Variants in STXBP5L observed in about 807,000 individuals in gnomAD.
STXBP5L encodes the protein syntaxin-binding protein 5-like.
Under a neutral mutation model 144.5 loss-of-function variants are expected in STXBP5L, and 65 were observed. The ratio of observed to expected loss-of-function variants is 0.45; its 90% CI spans 0.37 to 0.55. The LOEUF (loss-of-function observed/expected upper bound fraction) is 0.55, where lower values mean the gene tolerates loss of function less well. STXBP5L is among the 20% of genes least tolerant of loss of function. STXBP5L has a pLI of 0.00. For synonymous variants in STXBP5L, 505 were observed against 469.6 expected (o/e 1.08, Z -0.97); for missense variants, 1,298 against 1,405.5 (o/e 0.92, Z 1.22).
At chr3:121,315,981 C>CTGGATGT (rs2043772587) in intron 19 of STXBP5L, among the ~76,000 whole-genome samples, 1 of 134,400 alleles carries the variant, frequency 7.4e-6, no homozygotes, top group South Asian at 2.7e-4. Flanking sequence ...CCAGCCTGGG[C>CTGGATGT]GATAGTGAGA....
At chr3:121,305,114 C>A (rs1222472054) in intron 19 of STXBP5L, among the ~76,000 whole-genome samples, 1 of 151,994 alleles carries the variant, frequency 6.6e-6, no homozygotes, top group African/African-American at 2.4e-5. Flanking sequence ...AAATGTAACA[C>A]CAAACACATT....
At chr3:120,961,527 G>A (rs1200151297) in intron 3 of STXBP5L, among the ~76,000 whole-genome samples, 1 of 152,068 alleles carries the variant, frequency 6.6e-6, no homozygotes, top group Non-Finnish European at 1.5e-5. Flanking sequence ...CGCAGTGTTT[G>A]GTTTTCTGTC....
intron 5 of STXBP5L, chr3:121,049,760 G>T (rs957828610): frequency 5.2e-5 from 8 of 154,376 alleles, no homozygotes; most frequent in Admixed American, 3.3e-4. Flanking sequence ...TCCTGGAGAC[G>T]TGAGGGAGCC....
At chr3:120,977,576 A>G (rs1212359500) in intron 3 of STXBP5L, among the ~76,000 whole-genome samples, 1 of 152,076 alleles carries the variant, frequency 6.6e-6, no homozygotes, top group South Asian at 2.1e-4. Flanking sequence ...TGTGAATTTG[A>G]TCCTGTCATT....
intron 9 of STXBP5L, among the ~76,000 whole-genome samples, chr3:121,173,576 G>T (rs1242688313): frequency 6.6e-6 from 1 of 151,882 alleles, no homozygotes; most frequent in Non-Finnish European, 1.5e-5. Context: ...ATAGCCTACT[G>T]TTGACCAGAA....
intron 3 of STXBP5L, among the ~76,000 whole-genome samples, chr3:121,008,563 G>A (rs1273243351): frequency 6.6e-6 from 1 of 151,992 alleles, no homozygotes; most frequent in Admixed American, 6.6e-5. Flanking sequence ...TTGACTGGAA[G>A]TATTAATCCT....
intron 5 of STXBP5L, among the ~76,000 whole-genome samples, chr3:121,046,081 C>T (rs556100260): frequency 7.9e-5 from 12 of 151,912 alleles, no homozygotes; most frequent in Admixed American, 2.6e-4. Context: ...TGAAGGACAT[C>T]GAATTGTACC....
intron 5 of STXBP5L, among the ~76,000 whole-genome samples, chr3:121,103,120 C>T (rs9884073): frequency 7.9e-5 from 12 of 152,016 alleles, no homozygotes; most frequent in African/African-American, 2.7e-4. Context: ...TACTAGTTCA[C>T]CTACTGTGGA....
At chr3:121,316,543 T>C (rs1026817991) in intron 19 of STXBP5L, among the ~76,000 whole-genome samples, 1 of 152,242 alleles carries the variant, frequency 6.6e-6, no homozygotes. Context: ...TTTCTTCCCC[T>C]GTTTTCTTAT....
chr3:120,930,312 G>A (rs536970994), intron 2 of STXBP5L, among the ~76,000 whole-genome samples: 23 of 151,162 alleles, frequency 1.5e-4, no homozygotes, highest in Non-Finnish European at 3.0e-4. Context: ...TCTCTTAACT[G>A]TTATTTAATC....
At chr3:121,180,535 CA>C (rs2047099713) in intron 9 of STXBP5L, among the ~76,000 whole-genome samples, 1 of 152,086 alleles carries the variant, frequency 6.6e-6, no homozygotes, top group Non-Finnish European at 1.5e-5. Flanking sequence ...AATGAAAAAA[CA>C]AACAAACAAT....
At chr3:121,078,492 C>T (rs1026662224) in intron 5 of STXBP5L, among the ~76,000 whole-genome samples, 6 of 152,248 alleles carry the variant, frequency 3.9e-5, no homozygotes, top group Non-Finnish European at 8.8e-5. Context: ...GCACCAGGGC[C>T]GCAGGTGGAG....
intron 3 of STXBP5L, among the ~76,000 whole-genome samples, chr3:121,035,339 T>C (rs1030120344): frequency 6.6e-6 from 1 of 152,216 alleles, no homozygotes; most frequent in Admixed American, 6.5e-5. Flanking sequence ...TTCTATAGTT[T>C]GAGGTCATAC....
At chr3:121,299,097 A>G (rs1479505408) in intron 19 of STXBP5L, among the ~76,000 whole-genome samples, 2 of 152,166 alleles carry the variant, frequency 1.3e-5, no homozygotes, top group Non-Finnish European at 2.9e-5. Flanking sequence ...TGGAAGGATA[A>G]TATATAATCC....
chr3:121,006,417 C>T (rs1303838635), intron 3 of STXBP5L, among the ~76,000 whole-genome samples: 4 of 152,114 alleles, frequency 2.6e-5, no homozygotes, highest in Middle Eastern at 6.3e-3. Context: ...AGATCTTCCT[C>T]CATCCCTTTA....
At chr3:121,175,947 T>C (rs528146485) in intron 9 of STXBP5L, among the ~76,000 whole-genome samples, 1 of 151,448 alleles carries the variant, frequency 6.6e-6, no homozygotes, top group South Asian at 2.1e-4. Context: ...TAAAGGAATA[T>C]TATTAGAGAC....
intron 18 of STXBP5L, among the ~76,000 whole-genome samples, chr3:121,259,420 GTTGT>G (rs1206644444): frequency 6.6e-6 from 1 of 151,928 alleles, no homozygotes; most frequent in East Asian, 1.9e-4. Context: ...CTTAAACTGT[GTTGT>G]TTGTTTTTAT....
At chr3:121,349,965 G>T (rs2045200340) in intron 20 of STXBP5L, among the ~76,000 whole-genome samples, 1 of 152,012 alleles carries the variant, frequency 6.6e-6, no homozygotes, top group Non-Finnish European at 1.5e-5. Flanking sequence ...TACATTTAAG[G>T]TTAATATTGT....
At chr3:121,267,909 A>C (rs1425647403) in intron 18 of STXBP5L, among the ~76,000 whole-genome samples, 1 of 152,224 alleles carries the variant, frequency 6.6e-6, no homozygotes. Context: ...AGGAAACAAC[A>C]GATGCTGGAG....
Sources: gnomAD v4.1 joint callset for allele counts (sites outside exome capture counted in the v4.1 genomes callset) on GRCh38, gnomAD v4.1.1 for gene constraint, MANE v1.5 for transcripts, NCBI Gene and HGNC (gene_info 2026-07-23, HGNC 2026-07-21) for gene names.